PHF21B: variants seen among roughly 807,000 people sequenced by gnomAD.
PHF21B encodes the protein PHD finger protein 21B, also known as PHD finger protein 4.
PHF21B carries 22 observed loss-of-function variants against 62.2 expected under a neutral mutation model. The ratio of observed to expected loss-of-function variants is 0.35; its 90% CI spans 0.25 to 0.51. The LOEUF is 0.51. Among genes scored for constraint, PHF21B ranks in the 20% least tolerant of loss-of-function variants. The pLI is 0.97. For synonymous variants in PHF21B, 341 were observed against 314.7 expected, an observed-to-expected ratio of 1.08 and a Z score of -0.88; for missense variants, 701 against 707.9, an observed-to-expected ratio of 0.99 and a Z score of 0.11.
At chr22:44,898,697 T>C (rs1036346956) in intron 5 of PHF21B, among the ~76,000 whole-genome samples, 13 of 152,372 alleles carry the variant, frequency 8.5e-5, no homozygotes, top group African/African-American at 3.1e-4. Flanking sequence ...TATTTTCTTT[T>C]GCAGTGTTTT....
chr22:44,960,956 A>ATTTTTT lies in PHF21B; in HGVS notation c.121-40472_121-40467dup, dbSNP rs58426065. Among the ~76,000 whole-genome samples, 49 of 120,874 alleles carry ATTTTTT rather than the reference A, an allele frequency of 4.1e-4. 1 individual carries two copies. The highest frequency in any genetic ancestry group is 5.4e-4 in the Non-Finnish European group (33 of 60,936). The allele number at this position is 120,874 out of a possible 152,430, so 79.3% of individuals were successfully genotyped here. A position where few individuals can be genotyped will look rare whatever the true frequency, so the allele number is the denominator to read the frequency against. On this transcript the variant is annotated intron_variant, in intron 2 of 12. Transcript: ENST00000313237. ...TGTCCCTTCAAAATCACGTGAGTTG[A>ATTTTTT]TTTTTTTTTTTTTTTTTTGAGAAGG...
In PHF21B at chr22:44,914,005, G is replaced by C. The variant is rs1166148097; in HGVS notation, c.648C>G (p.Pro216=). The C allele has an allele frequency of 1.3e-6, 2 of 1,535,126 alleles. No homozygotes were observed. Among genetic ancestry groups the C allele is most frequent in the Admixed American group, 3.4e-5 (2 of 59,514 alleles). Residue 216 remains proline, a synonymous_variant, in exon 5 of 13, where the codon CCC becomes CCG. Coordinates refer to ENST00000313237, the MANE Select transcript of PHF21B (RefSeq NM_138415.5). ...GGGGTGAAGGGGACAGTGATGGGGAGGGAGGGGTGAGGGGAAGAGAGGAGG... is the reference window on the plus strand; with the variant it reads ...GGGGTGAAGGGGACAGTGATGGGGACGGAGGGGTGAGGGGAAGAGAGGAGG... ...LHPSSLPLTP[P]SPSLSPSPLH...
chr22:45,008,318 G>A (rs1422614203), intron 2 of PHF21B: 7 of 393,216 alleles, frequency 1.8e-5, no homozygotes, highest in East Asian at 1.2e-4. Context: ...CCTTTTAAGT[G>A]AGCTCCTCTC....
intron 3 of PHF21B, among the ~76,000 whole-genome samples, chr22:44,917,434 C>T (rs1435693430): frequency 1.3e-5 from 2 of 152,194 alleles, no homozygotes; most frequent in South Asian, 2.1e-4. Flanking sequence ...AGAGCCACCA[C>T]CACTGACCCC....
chr22:44,992,352 G>A (rs933690497), intron 2 of PHF21B, among the ~76,000 whole-genome samples: 6 of 152,248 alleles, frequency 3.9e-5, no homozygotes, highest in African/African-American at 1.2e-4. Flanking sequence ...GCACCGCAGC[G>A]TGGACGCACT....
At chr22:44,906,068 G>A (rs1476018946) in intron 5 of PHF21B, among the ~76,000 whole-genome samples, 1 of 152,180 alleles carries the variant, frequency 6.6e-6, no homozygotes, top group Non-Finnish European at 1.5e-5. Flanking sequence ...TGCCCTGTGT[G>A]AGCTGCCCAC....
intron 2 of PHF21B, among the ~76,000 whole-genome samples, chr22:44,956,610 C>A (rs1040472896): frequency 6.6e-6 from 1 of 151,982 alleles, no homozygotes; most frequent in Non-Finnish European, 1.5e-5. Flanking sequence ...GCTTCCTTCA[C>A]GAGGCGGCTG....
chr22:44,947,831 C>T lies in PHF21B; in HGVS notation c.121-27341G>A, dbSNP rs148494907. On this transcript the variant is annotated intron_variant, in intron 2 of 12. Coordinates refer to ENST00000313237, the MANE Select transcript of PHF21B (RefSeq NM_138415.5). ...ACTTCGGCTCTGCTTGGTGTGCTTC[C>T]TTTTCTTTTTTACTTATCCAGATAC... 2.5e-3 allele frequency among the ~76,000 whole-genome samples: 375 copies of T among 152,206 alleles called. 2 individuals are homozygous for T. Among genetic ancestry groups the T allele is most frequent in the African/African-American group, 8.5e-3 (352 of 41,540 alleles).
At chr22:44,890,595 C>T (rs185158752) in intron 8 of PHF21B, among the ~76,000 whole-genome samples, 1 of 152,200 alleles carries the variant, frequency 6.6e-6, no homozygotes, top group African/African-American at 2.4e-5. Context: ...ACACAGAATC[C>T]CAGCAAGCTG....
intron 2 of PHF21B, among the ~76,000 whole-genome samples, chr22:44,937,308 G>C (rs983105831): frequency 2.2e-4 from 34 of 152,222 alleles, no homozygotes; most frequent in Non-Finnish European, 1.5e-5. Context: ...CCAAGTTCCA[G>C]GGAGAAAGGA....
chr22:44,954,024 G>A (rs1006135094), intron 2 of PHF21B, among the ~76,000 whole-genome samples: 1 of 152,148 alleles, frequency 6.6e-6, no homozygotes, highest in Admixed American at 6.5e-5. Context: ...AGCCTCTCCC[G>A]GCTCAGAGCA....
chr22:44,897,789 A>G (rs1014703138), intron 5 of PHF21B, among the ~76,000 whole-genome samples: 7 of 152,042 alleles, frequency 4.6e-5, no homozygotes, highest in African/African-American at 1.7e-4. Flanking sequence ...GCTAAAACCC[A>G]TACTTTATTT....
chr22:44,991,068 G>A (rs959682088), intron 2 of PHF21B, among the ~76,000 whole-genome samples: 4 of 152,200 alleles, frequency 2.6e-5, no homozygotes, highest in African/African-American at 7.2e-5. Flanking sequence ...CGAGGGTGCC[G>A]TCCATCGGGC....
At chr22:45,006,992 C>T (rs1385964973) in intron 2 of PHF21B, among the ~76,000 whole-genome samples, 2 of 152,116 alleles carry the variant, frequency 1.3e-5, no homozygotes, top group African/African-American at 4.8e-5. Flanking sequence ...TAATGCAGGG[C>T]CTGGGTCCCC....
intron 2 of PHF21B, among the ~76,000 whole-genome samples, chr22:44,935,342 C>T (rs1041151794): frequency 2.0e-5 from 3 of 152,110 alleles, no homozygotes; most frequent in African/African-American, 4.8e-5. Context: ...TGGCCGGGCG[C>T]GGTGGCTCAC....
intron 3 of PHF21B, among the ~76,000 whole-genome samples, chr22:44,917,069 G>C (rs2071450091): frequency 6.6e-6 from 1 of 152,232 alleles, no homozygotes; most frequent in South Asian, 2.1e-4. Flanking sequence ...GCCTTGCCCA[G>C]TTCTGCTTCT....
intron 2 of PHF21B, chr22:44,989,096 C>A (rs2073001515): frequency 6.6e-6 from 1 of 152,246 alleles, no homozygotes; most frequent in African/African-American, 2.4e-5. Context: ...AAGAAGGGCA[C>A]AGCGTTCAGG....
chr22:44,995,522 A>G (rs1225412430), intron 2 of PHF21B, among the ~76,000 whole-genome samples: 1 of 152,166 alleles, frequency 6.6e-6, no homozygotes. Flanking sequence ...TTGTGTGACC[A>G]GCTCCTCCCC....
At chr22:44,982,383 C>T (rs1169847260) in intron 2 of PHF21B, among the ~76,000 whole-genome samples, 1 of 152,208 alleles carries the variant, frequency 6.6e-6, no homozygotes, top group African/African-American at 2.4e-5. Flanking sequence ...CCATCACCTA[C>T]GTGCAACCCT....
Sources: allele counts gnomAD v4.1 joint callset (sites outside exome capture counted in the v4.1 genomes callset), GRCh38; gene constraint gnomAD v4.1.1; transcripts MANE v1.5; gene names NCBI Gene and HGNC (gene_info 2026-07-23, HGNC 2026-07-21).